ABLIM1: variants seen among roughly 807,000 people sequenced by gnomAD.
The protein encoded by ABLIM1 is actin binding LIM protein 1, also known as actin-binding LIM protein 1.
ABLIM1 carries 40 observed loss-of-function variants against 107.0 expected under a neutral mutation model. That is an observed-to-expected ratio of 0.37 (90% CI 0.29 to 0.49). The LOEUF (loss-of-function observed/expected upper bound fraction) is 0.49. Ranked by LOEUF, ABLIM1 falls within the 20% of genes least tolerant of loss-of-function variation. The pLI, the probability that ABLIM1 is intolerant of heterozygous loss-of-function variation, is 0.97. For missense variants in ABLIM1, 857 were observed against 1,008.5 expected, an observed-to-expected ratio of 0.85 and a Z score of 2.04; for synonymous variants, 357 against 357.3, an observed-to-expected ratio of 1.00 and a Z score of 0.01.
intron 1 of ABLIM1, chr10:114,631,771 C>T: frequency 1.0e-6 from 1 of 961,262 alleles, no homozygotes; most frequent in South Asian, 1.7e-5. Flanking sequence ...CCAGACTTCA[C>T]AATACGGAGC....
chr10:114,768,641 C>T (rs369995008), upstream of ABLIM1, among the ~76,000 whole-genome samples: 1 of 151,968 alleles, frequency 6.6e-6, no homozygotes, highest in East Asian at 2.0e-4. Context: ...GTCGGCCAGG[C>T]TCTCGGAAAG....
At chr10:114,774,682 C>A in the ABLIM1 span, among the ~76,000 whole-genome samples, 1 of 152,130 alleles carries the variant, frequency 6.6e-6, no homozygotes, top group Non-Finnish European at 1.5e-5. Context: ...GTAATCTAGT[C>A]CAAAGCCAGG....
chr10:114,586,560 C>G (rs997995722), intron 2 of ABLIM1, among the ~76,000 whole-genome samples: 4 of 152,198 alleles, frequency 2.6e-5, no homozygotes, highest in African/African-American at 9.7e-5. Context: ...TCTTTTCCAT[C>G]TGAGGACAAA....
At chr10:114,445,475 G>T in intron 15 of ABLIM1, 72 bp from the exon 16 acceptor site, 1 of 1,324,612 alleles carries the variant, frequency 7.5e-7, no homozygotes, top group Non-Finnish European at 1.1e-6. Flanking sequence ...TAGTCCATCT[G>T]TGTTCAGTTT....
chr10:114,469,829 T>C (rs1243565542), intron 10 of ABLIM1, among the ~76,000 whole-genome samples: 1 of 152,214 alleles, frequency 6.6e-6, no homozygotes. Context: ...CAAAAAGCTT[T>C]CAAATAGAAA....
At chr10:114,526,778 C>G in intron 6 of ABLIM1, 1 of 985,526 alleles carries the variant, frequency 1.0e-6, no homozygotes, top group Non-Finnish European at 1.2e-6. Context: ...GACCTCAGCC[C>G]GACAGACTGA....
intron 6 of ABLIM1, among the ~76,000 whole-genome samples, chr10:114,529,474 G>T (rs2065228147): frequency 6.6e-6 from 1 of 151,986 alleles, no homozygotes; most frequent in African/African-American, 2.4e-5. Flanking sequence ...TCTCTTTTTG[G>T]ATTTTATTTA....
At chr10:114,724,702 C>T (rs753363233) in intron 1 of ABLIM1, among the ~76,000 whole-genome samples, 6 of 152,204 alleles carry the variant, frequency 3.9e-5, no homozygotes, top group Admixed American at 6.5e-5. Flanking sequence ...CTTCCTCTCA[C>T]GAGAACAGCA....
chr10:114,709,310 T>C (rs1249240463), intron 1 of ABLIM1, among the ~76,000 whole-genome samples: 6 of 152,062 alleles, frequency 3.9e-5, no homozygotes, highest in Non-Finnish European at 7.4e-5. Flanking sequence ...AGAAACAAGG[T>C]TTGAATCGTA....
intron 1 of ABLIM1, among the ~76,000 whole-genome samples, chr10:114,633,963 C>G (rs941789464): frequency 5.3e-5 from 8 of 151,884 alleles, no homozygotes. Context: ...CAGCCCAAAG[C>G]TAAGGAAGCA....
chr10:114,736,830 G>T (rs1231382331), intron 1 of ABLIM1, among the ~76,000 whole-genome samples: 2 of 152,106 alleles, frequency 1.3e-5, no homozygotes, highest in Non-Finnish European at 2.9e-5. Context: ...TCTGTGGGGC[G>T]GTGGCAGTTA....
At chr10:114,662,756 T>C (rs773190562), upstream of ABLIM1, among the ~76,000 whole-genome samples, 11 of 152,214 alleles carry the variant, frequency 7.2e-5, no homozygotes, top group Non-Finnish European at 1.0e-4. Flanking sequence ...ACATAAAATC[T>C]GCTGAGCATT....
chr10:114,547,705 C>T lies in ABLIM1; in HGVS notation c.745G>A (p.Gly249Arg). ...CCGCAGGACTTGCATTTAAAGCACC[C>T]CAAGTGCCACTGCTTATCCAGCGCC... ...LLALDKQWHL[G>R]CFKCKSCGKV... is the part of the protein sequence containing the mutation. Residue 249 changes from glycine to arginine, a missense_variant, in exon 5 of 23, where the codon GGG becomes AGG. Transcript: ENST00000533213. The T allele has an allele frequency of 1.2e-6, 2 of 1,613,658 alleles. No homozygotes were observed. The highest frequency in any genetic ancestry group is 1.7e-6 in the Non-Finnish European group (2 of 1,180,040).
In ABLIM1 at chr10:114,734,504, C is replaced by T. The variant is rs547542612; in HGVS notation, c.-213+33557G>A. The stretch of plus-strand genomic sequence containing the variant: ...ACAATTCTTCAACACAACACCCCCG[C>T]AACTCTCGCACCTTGTTCCCCCAAT... On this transcript the variant is annotated intron_variant, in intron 1 of 15. Transcript: ENST00000651092. Among the ~76,000 whole-genome samples, 98 of 152,172 alleles carry T rather than the reference C, an allele frequency of 6.4e-4. 3 individuals carry two copies. In the South Asian group the frequency reaches 0.02, roughly 30 times the overall value.
At position 114,436,308 on chromosome 10, in the gene ABLIM1, T is replaced by C. The variant is rs769311925; in HGVS notation, c.2289A>G (p.Leu763=). 31 of 1,613,476 alleles carry C rather than the reference T, an allele frequency of 1.9e-5. No individual in the cohort carries two copies. The highest frequency in any genetic ancestry group is 6.7e-5 in the Admixed American group (4 of 59,950). The change falls in exon 23 of 23, where the codon TTA becomes TTG. Residue 763 remains leucine (L), a synonymous_variant. Coordinates refer to ENST00000533213, the MANE Select transcript of ABLIM1 (RefSeq NM_002313.7). ...FGMSIQEFDR[L]PLWRRNDMKK... ...TCATGTCGTTGCGTCTCCAAAGAGG[T>C]AACCTGTCAAACTCCTGTATGGACA...
intron 2 of ABLIM1, among the ~76,000 whole-genome samples, chr10:114,601,543 G>A (rs2076000672): frequency 6.6e-6 from 1 of 152,194 alleles, no homozygotes; most frequent in Non-Finnish European, 1.5e-5. Context: ...TGGGATTATA[G>A]GCGTGAGCCG....
chr10:114,674,092 C>A (rs1026739010), intron 1 of ABLIM1, among the ~76,000 whole-genome samples: 5 of 151,974 alleles, frequency 3.3e-5, no homozygotes, highest in African/African-American at 1.2e-4. Context: ...GAGTTCGAGA[C>A]CAGCCTGGCC....
intron 1 of ABLIM1, among the ~76,000 whole-genome samples, chr10:114,717,776 G>T (rs1202808933): frequency 6.6e-6 from 1 of 151,754 alleles, no homozygotes; most frequent in Non-Finnish European, 1.5e-5. Context: ...AGTCAGGCAT[G>T]GTGGTGCACA....
chr10:114,781,684 AT>A, the ABLIM1 span, among the ~76,000 whole-genome samples: 2 of 146,082 alleles, frequency 1.4e-5, no homozygotes, highest in African/African-American at 2.5e-5. Context: ...ATATATATAT[AT>A]ATAATTAATG....
Sources: gnomAD v4.1 joint callset for allele counts (sites outside exome capture counted in the v4.1 genomes callset) on GRCh38, gnomAD v4.1.1 for gene constraint, MANE v1.5 for transcripts, NCBI Gene and HGNC (gene_info 2026-07-23, HGNC 2026-07-21) for gene names.